Variants in KCP observed in about 807,000 individuals in gnomAD.
KCP encodes the protein kielin cysteine rich BMP regulator, also known as kielin/chordin-like protein.
Under a neutral mutation model 212.7 loss-of-function variants are expected in KCP, and 194 were observed. That is an observed-to-expected ratio of 0.91 (90% CI 0.81 to 1.03). The LOEUF is 1.03. Ranked by LOEUF, KCP falls within the 50% of genes least tolerant of loss-of-function variation. KCP has a pLI of 0.00. For synonymous variants in KCP, 833 were observed against 865.3 expected (o/e 0.96, Z 0.65); for missense variants, 2,080 against 2,162.5 (o/e 0.96, Z 0.76).
chr7:128,908,278 G>GAAAGAAAT (rs1482675470), intron 2 of KCP, 148 bp downstream of exon 2: 1 of 557,918 alleles, frequency 1.8e-6, no homozygotes, highest in African/African-American at 2.0e-5. Context: ...AAGAAAGAAA[G>GAAAGAAAT]AAAGAAAGAA....
At position 128,880,603 on chromosome 7, in the gene KCP, C is replaced by T. The variant is rs907129648; in HGVS notation, c.3616+16G>A. On this transcript the variant is annotated intron_variant, in intron 33 of 39. Transcript: ENST00000610776. ...AAGGTCTGGCTTACCCCTCCCCCAT[C>T]ACCCTGGCTGCGCACCTTGGCATCG... 2.3e-6 allele frequency: 3 copies of T among 1,293,420 alleles called. No homozygotes were observed. The highest frequency in any genetic ancestry group is 3.1e-5 in the African/African-American group (2 of 65,478). The allele number at this position is 1,293,420 out of a possible 1,614,324, so 80.1% of individuals were successfully genotyped here. A position where few individuals can be genotyped will look rare whatever the true frequency, so the allele number is the denominator to read the frequency against.
In KCP at chr7:128,891,275, C is replaced by A; in HGVS notation, c.1882G>T (p.Gly628Cys). The A allele has an allele frequency of 6.5e-7, 1 of 1,547,300 alleles. No homozygotes were observed. The highest frequency in any genetic ancestry group is 8.7e-7 in the Non-Finnish European group (1 of 1,146,680). ...DPCRLCRCLS[G>C]NVQCLARRCV... ...CGGCGGGCCAGGCACTGCACGTTGC[C>A]GCTCTACGGACCGACAGACGCACCA... Residue 628 changes from glycine to cysteine, a missense_variant, in exon 19 of 40, where the codon GGC becomes TGC. Coordinates refer to ENST00000610776, the MANE Select transcript of KCP (RefSeq NM_001366122.1).
Position 128,886,686 on chromosome 7 carries a change from G to T in KCP, c.2741C>A (p.Pro914Gln), listed in dbSNP as rs1793666378. The change falls in exon 25 of 40, where the codon CCA (proline) becomes CAA (glutamine). Residue 914 changes from proline (P) to glutamine (Q), a missense_variant. Pro to Gln is a moderately conservative substitution (Grantham distance 76). Transcript: ENST00000610776. Reference protein sequence around the residue: ...EHQDGEEFEGPAGSCEWCRCQ... With the variant: ...EHQDGEEFEGQAGSCEWCRCQ... ...GCGACACCACTCACAGCTGCCTGCT[G>T]GTCCCTCAAACTCCTCCCCATCCTG... is the stretch of plus-strand genomic sequence containing the variant. The T allele has an allele frequency of 6.4e-7, 1 of 1,551,514 alleles. No homozygotes were observed. The highest frequency in any genetic ancestry group is 8.7e-7 in the Non-Finnish European group (1 of 1,146,948).
chr7:128,885,903 G>A (rs1334586109), intron 26 of KCP, among the ~76,000 whole-genome samples: 1 of 126,826 alleles, frequency 7.9e-6, no homozygotes, highest in Non-Finnish European at 1.6e-5. Context: ...GACTAAGAGT[G>A]CTTATCTGGT....
At chr7:128,894,580 A>T (rs1270578411) in intron 8 of KCP, among the ~76,000 whole-genome samples, 1 of 152,120 alleles carries the variant, frequency 6.6e-6, no homozygotes, top group Non-Finnish European at 1.5e-5. Flanking sequence ...ATGATAAAAA[A>T]GACTTGCTGA....
In KCP at chr7:128,888,295, A is replaced by AAC. The variant is rs901317772; in HGVS notation, c.2512+566_2512+567dup. Among the ~76,000 whole-genome samples the AAC allele has an allele frequency of 3.0e-4, 27 of 88,616 alleles. 1 individual carries two copies. Among genetic ancestry groups the AAC allele is most frequent in the East Asian group, 4.8e-4 (1 of 2,070 alleles). 58.1% of individuals were successfully genotyped at this position (88,616 alleles called of 152,430 possible). On this transcript the variant is annotated intron_variant, in intron 22 of 39. Coordinates refer to ENST00000610776, the MANE Select transcript of KCP (RefSeq NM_001366122.1). ...ACATACACTGTCACACACACAGAGC[A>AAC]ACACACACACACAGATACACCCACA...
intron 21 of KCP, 87 bp downstream of exon 21, chr7:128,890,256 C>A: frequency 6.5e-7 from 1 of 1,546,168 alleles, no homozygotes; most frequent in East Asian, 2.5e-5. Context: ...TATTTTAGAT[C>A]CACCCTAGGG....
At position 128,877,747 on chromosome 7, in the gene KCP, C is replaced by A; in HGVS notation, c.4355G>T (p.Arg1452Leu). Reference protein sequence around the residue: ...LWPGRPCSAGREVDPCRAAGY... With the variant: ...LWPGRPCSAGLEVDPCRAAGY... ...TGCTGCCCGGCACGGATCCACCTCT[C>A]GGCCTGCAGAACAGGGCCGGCCAGG... The change falls in exon 39 of 40, where the codon CGA (arginine) becomes CTA (leucine). Residue 1452 changes from arginine to leucine, a missense_variant. Arg to Leu is a moderately radical substitution (Grantham distance 102). Transcript: ENST00000610776. The A allele has an allele frequency of 6.4e-7, 1 of 1,550,644 alleles. No individual in the cohort carries two copies. Among genetic ancestry groups the A allele is most frequent in the Non-Finnish European group, 8.7e-7 (1 of 1,146,920 alleles).
At chr7:128,884,521 C>T (rs1222825738) in intron 28 of KCP, among the ~76,000 whole-genome samples, 1 of 152,198 alleles carries the variant, frequency 6.6e-6, no homozygotes, top group Middle Eastern at 3.2e-3. Context: ...GGCTCTCCGG[C>T]CATACACACC....
intron 30 of KCP, 61 bp downstream of exon 30, chr7:128,881,876 C>T: frequency 6.7e-7 from 1 of 1,495,470 alleles, no homozygotes; most frequent in African/African-American, 1.4e-5. Context: ...GGAGTGGCAG[C>T]CACAGCCCAC....
In KCP at chr7:128,880,439, C is replaced by T; in HGVS notation, c.3706G>A (p.Ala1236Thr). The T allele has an allele frequency of 6.5e-7, 1 of 1,547,476 alleles. No homozygotes were observed. Among genetic ancestry groups the T allele is most frequent in the Non-Finnish European group, 8.7e-7 (1 of 1,145,062 alleles). Reference sequence around the variant, plus strand: ...TGGCTCTGGCAACGCACGGTGCCCGCCATGCAGGAGCAGCTGGTGCAGGTG... The same window carrying T: ...TGGCTCTGGCAACGCACGGTGCCCGTCATGCAGGAGCAGCTGGTGCAGGTG... ...VDTCTSCSCM[A>T]GTVRCQSQRC... is the part of the protein sequence containing the mutation. The change falls in exon 34 of 40, where the codon GCG becomes ACG. Residue 1236 changes from alanine (A) to threonine (T), a missense_variant. By Grantham distance (58) the Ala-to-Thr change is moderately conservative. Coordinates refer to ENST00000610776, the MANE Select transcript of KCP (RefSeq NM_001366122.1).
At chr7:128,893,346 T>C (rs1192667845) in intron 12 of KCP, 27 bp from the exon 13 acceptor site, 2 of 1,551,308 alleles carry the variant, frequency 1.3e-6, no homozygotes, top group East Asian at 2.4e-5. Context: ...TGAGACACCC[T>C]GAAGGAATGA....
At chr7:128,879,860 G>T (rs1298168262) in intron 35 of KCP, 31 bp from the exon 36 acceptor site, 3 of 1,551,026 alleles carry the variant, frequency 1.9e-6, no homozygotes, top group African/African-American at 1.4e-5. Context: ...GGTGCCAATG[G>T]TCAGCAGGGC....
At chr7:128,885,615 C>T (rs982691366) in intron 26 of KCP, among the ~76,000 whole-genome samples, 2 of 150,600 alleles carry the variant, frequency 1.3e-5, no homozygotes, top group African/African-American at 4.8e-5. Context: ...CATCGCTAAC[C>T]ATGTGCCCAA....
At chr7:128,910,509 G>T in intron 1 of KCP, 92 bp downstream of exon 1, 1 of 1,197,136 alleles carries the variant, frequency 8.4e-7, no homozygotes, top group Non-Finnish European at 1.1e-6. Context: ...TAAGAGCAGA[G>T]CCCCCAGCCC....
At chr7:128,905,003 G>C (rs530492506) in intron 5 of KCP, among the ~76,000 whole-genome samples, 1 of 152,200 alleles carries the variant, frequency 6.6e-6, no homozygotes, top group Admixed American at 6.5e-5. Context: ...GTGTGTGTTG[G>C]GGGAGCGGGG....
At chr7:128,908,284 A>AAGAAAGAAAGAAAG (rs1263566711) in intron 2 of KCP, 142 bp downstream of exon 2, 2 of 572,106 alleles carry the variant, frequency 3.5e-6, no homozygotes, top group African/African-American at 4.0e-5. Flanking sequence ...GAAAGAAAGA[A>AAGAAAGAAAGAAAG]AGAAAGAAAG....
Position 128,892,887 on chromosome 7 carries a change from G to T in KCP, c.1402C>A (p.His468Asn). The T allele has an allele frequency of 6.5e-7, 1 of 1,549,636 alleles. No homozygotes were observed. The highest frequency in any genetic ancestry group is 8.7e-7 in the Non-Finnish European group (1 of 1,145,748). The change falls in exon 14 of 40, where the codon CAC becomes AAC. Residue 468 changes from histidine to asparagine, a missense_variant. Coordinates refer to ENST00000610776, the MANE Select transcript of KCP (RefSeq NM_001366122.1). ...AVLCPPAPCQ[H>N]PTQPPGACCP... ...CACTCACCAGGGGGCTGGGTGGGGT[G>T]CTGGCAGGGGGCTGGGGGGCAGAGC...
intron 8 of KCP, among the ~76,000 whole-genome samples, chr7:128,898,280 C>T (rs912102303): frequency 2.5e-4 from 38 of 152,170 alleles, no homozygotes; most frequent in African/African-American, 8.9e-4. Context: ...GGTCTCAAAC[C>T]ACTGACCTCA....
Sources: allele counts gnomAD v4.1 joint callset (sites outside exome capture counted in the v4.1 genomes callset), GRCh38; gene constraint gnomAD v4.1.1; transcripts MANE v1.5; gene names NCBI Gene and HGNC (gene_info 2026-07-23, HGNC 2026-07-21).